The following ATXN7 variants were observed in gnomAD, a reference collection of about 807,000 sequenced individuals.
ATXN7 encodes ataxin-7.
ATXN7 carries 12 observed loss-of-function variants against 70.5 expected under a neutral mutation model. The ratio of observed to expected loss-of-function variants is 0.17; its 90% CI spans 0.11 to 0.28. The LOEUF (loss-of-function observed/expected upper bound fraction) is 0.28. Ranked by LOEUF, ATXN7 falls within the 10% of genes least tolerant of loss-of-function variation. The pLI is 1.00. For missense variants in ATXN7, 1,256 were observed against 1,131.7 expected, an observed-to-expected ratio of 1.11 and a Z score of -1.58; for synonymous variants, 498 against 448.7, an observed-to-expected ratio of 1.11 and a Z score of -1.39.
chr3:63,901,905 A>G (rs1249674391), intron 2 of ATXN7: 2 of 152,198 alleles, frequency 1.3e-5, no homozygotes, highest in Non-Finnish European at 2.9e-5. Flanking sequence ...AAGACCACAT[A>G]TTATGTGGTT....
intron 5 of ATXN7, among the ~76,000 whole-genome samples, chr3:63,960,332 C>A (rs1183705215): frequency 2.0e-5 from 3 of 152,166 alleles, no homozygotes; most frequent in Non-Finnish European, 4.4e-5. Flanking sequence ...CCAGATGACA[C>A]TGGGCCCTGC....
intron 12 of ATXN7, chr3:63,997,582 C>T (rs747993361): frequency 1.3e-6 from 2 of 1,526,418 alleles, no homozygotes; most frequent in South Asian, 1.2e-5. Context: ...TTTGCTCTAA[C>T]TTCCAGCTCA....
At chr3:63,937,115 G>A (rs1339841003) in intron 4 of ATXN7, among the ~76,000 whole-genome samples, 12 of 152,186 alleles carry the variant, frequency 7.9e-5, no homozygotes, top group Admixed American at 6.5e-4. Context: ...ATGGGGGTAC[G>A]AATTAATTAA....
At chr3:63,919,282 A>G (rs2051594697) in intron 4 of ATXN7, among the ~76,000 whole-genome samples, 1 of 152,200 alleles carries the variant, frequency 6.6e-6, no homozygotes, top group African/African-American at 2.4e-5. Flanking sequence ...ACTACACACA[A>G]CAGAGACCAT....
At chr3:63,926,552 G>T (rs762663686) in intron 4 of ATXN7, among the ~76,000 whole-genome samples, 1 of 152,258 alleles carries the variant, frequency 6.6e-6, no homozygotes, top group Admixed American at 6.5e-5. Flanking sequence ...AAAAGGTCAG[G>T]TGCTGAAGGG....
At chr3:63,946,555 A>G (rs1283300106) in intron 4 of ATXN7, among the ~76,000 whole-genome samples, 1 of 151,492 alleles carries the variant, frequency 6.6e-6, no homozygotes, top group Non-Finnish European at 1.5e-5. Flanking sequence ...AGGCAGGAGA[A>G]TGGCGTGAAC....
chr3:63,884,478 G>A (rs1703021165), intron 1 of ATXN7, among the ~76,000 whole-genome samples: 2 of 151,920 alleles, frequency 1.3e-5, no homozygotes, highest in Non-Finnish European at 2.9e-5. Context: ...AATAATATGT[G>A]ATATAAAATC....
chr3:63,995,256 G>A (rs971180058), intron 11 of ATXN7, among the ~76,000 whole-genome samples: 2 of 151,946 alleles, frequency 1.3e-5, no homozygotes, highest in African/African-American at 4.8e-5. Context: ...GGCGTTGGGG[G>A]TGGGAGGTGG....
Position 63,863,958 on chromosome 3 carries a change from C to A in ATXN7, c.-311C>A. On this transcript the variant is annotated 5_prime_UTR_variant, in exon 1 of 13. Transcript: ENST00000674280. ...CCTGAGCCGCGCCGCGCCGCGCCGC[C>A]GCCGCCGCCGCCGCCGCCGCGGGAC... is the stretch of plus-strand genomic sequence containing the variant. The A allele has an allele frequency of 1.2e-5, 1 of 83,984 alleles. No individual in the cohort carries two copies. Among genetic ancestry groups the A allele is most frequent in the South Asian group, 3.4e-4 (1 of 2,966 alleles). 5.2% of individuals were successfully genotyped at this position (83,984 alleles called of 1,614,324 possible).
intron 1 of ATXN7, among the ~76,000 whole-genome samples, chr3:63,897,636 A>C (rs1385944129): frequency 6.6e-6 from 1 of 152,140 alleles, no homozygotes; most frequent in African/African-American, 2.4e-5. Flanking sequence ...TGAGTAGTGA[A>C]TTTTTCATGT....
intron 2 of ATXN7, among the ~76,000 whole-genome samples, chr3:63,909,695 A>G (rs73834135): frequency 8.3e-4 from 127 of 152,304 alleles, no homozygotes; most frequent in African/African-American, 2.8e-3. Context: ...TCTAACGACT[A>G]TGGATATCAG....
chr3:64,003,205 C>CTTTTTT lies in ATXN7; in HGVS notation c.*3757_*3762dup, dbSNP rs754267860. Reference sequence around the variant, plus strand: ...AATGTAGGGCCTTGAAAGCATTTTGCTTTTTTTTTTTTTTTTTTTTTTTTG... The same window carrying CTTTTTT: ...AATGTAGGGCCTTGAAAGCATTTTGCTTTTTTTTTTTTTTTTTTTTTTTTTTTTTTG... On this transcript the variant is annotated 3_prime_UTR_variant, in exon 13 of 13. Transcript: ENST00000674280. 649 of 75,346 alleles carry CTTTTTT rather than the reference C, an allele frequency of 8.6e-3. 4 individuals are homozygous for CTTTTTT. The highest frequency in any genetic ancestry group is 0.022 in the East Asian group (51 of 2,318). The allele number at this position is 75,346 out of a possible 1,614,324, so 4.7% of individuals were successfully genotyped here.
chr3:63,948,705 A>T (rs1236729801), intron 4 of ATXN7, among the ~76,000 whole-genome samples: 1 of 152,180 alleles, frequency 6.6e-6, no homozygotes, highest in Non-Finnish European at 1.5e-5. Flanking sequence ...AAGTTTCCAT[A>T]TACATGTGCT....
rs1181470393 is a variant in ATXN7, at chr3:63,995,813, C to G, written c.1991C>G (p.Ser664Cys). ...STPSGLSSVP[S>C]SPMSRKPQKL... ...CCCTCTGGCCTTTCCTCGGTTCCTT[C>G]CTCCCCCATGTCCAGGAAACCTCAG... is the stretch of plus-strand genomic sequence containing the variant. The change falls in exon 12 of 13, where the codon TCC (serine) becomes TGC (cysteine). Residue 664 changes from serine (S) to cysteine (C), a missense_variant. Coordinates refer to ENST00000674280, the MANE Select transcript of ATXN7 (RefSeq NM_001377405.1). 7.4e-6 allele frequency: 12 copies of G among 1,614,238 alleles called. No homozygotes were observed.
At chr3:63,919,652 A>G (rs1241758087) in intron 4 of ATXN7, among the ~76,000 whole-genome samples, 1 of 151,612 alleles carries the variant, frequency 6.6e-6, no homozygotes, top group Non-Finnish European at 1.5e-5. Context: ...CACAATGTGC[A>G]GGTTTGTTAC....
intron 5 of ATXN7, among the ~76,000 whole-genome samples, chr3:63,974,380 T>C (rs1196657648): frequency 1.3e-5 from 2 of 152,248 alleles, no homozygotes; most frequent in Non-Finnish European, 2.9e-5. Flanking sequence ...AAGATGGGCT[T>C]CTTACTGATT....
At chr3:63,985,857 A>C (rs1365403751) in intron 8 of ATXN7, among the ~76,000 whole-genome samples, 3 of 152,212 alleles carry the variant, frequency 2.0e-5, no homozygotes, top group Admixed American at 2.0e-4. Context: ...GGTCGCAGGG[A>C]ATAAAGGGTT....
upstream of ATXN7, chr3:63,863,391 C>G: frequency 9.8e-7 from 1 of 1,019,212 alleles, no homozygotes; most frequent in Non-Finnish European, 1.2e-6. Flanking sequence ...GGGTCCTCAC[C>G]GCGCCCCTAG....
At chr3:63,904,636 G>C (rs1703771645) in intron 2 of ATXN7, 1 of 152,136 alleles carries the variant, frequency 6.6e-6, no homozygotes, top group Non-Finnish European at 1.5e-5. Flanking sequence ...TTATTCATTT[G>C]TTGATGTACA....
Sources: allele counts gnomAD v4.1 joint callset (sites outside exome capture counted in the v4.1 genomes callset), GRCh38; gene constraint gnomAD v4.1.1; transcripts MANE v1.5; gene names NCBI Gene and HGNC (gene_info 2026-07-23, HGNC 2026-07-21).